The following BACH2 variants were observed in gnomAD, a reference collection of about 807,000 sequenced individuals.
BACH2 encodes the protein BACH transcriptional regulator 2, also known as transcription regulator protein BACH2.
A neutral mutation model predicts 61.8 loss-of-function variants in BACH2; 5 were observed. The observed-to-expected ratio is 0.08, with a 90% CI of 0.04 to 0.17. The LOEUF (loss-of-function observed/expected upper bound fraction) is 0.17, where lower values mean the gene tolerates loss of function less well. Among genes scored for constraint, BACH2 ranks in the 10% least tolerant of loss-of-function variants. The pLI is 1.00. For missense variants in BACH2, 824 were observed against 1,091.1 expected (o/e 0.76, Z 3.45); for synonymous variants, 446 against 440.1 (o/e 1.01, Z -0.17).
At chr6:89,949,990 C>T (rs1773978912) in intron 7 of BACH2, 2 of 479,786 alleles carry the variant, frequency 4.2e-6, no homozygotes, top group East Asian at 4.1e-5. Context: ...CCTCAGTGTA[C>T]TTCATGCATT....
intron 6 of BACH2, among the ~76,000 whole-genome samples, chr6:90,002,147 C>T (rs1173296941): frequency 2.0e-5 from 3 of 152,184 alleles, no homozygotes; most frequent in East Asian, 1.9e-4. Context: ...ATGCTTTCTT[C>T]ACCTGGCTTA....
At chr6:90,182,060 T>C (rs1768184180) in intron 4 of BACH2, among the ~76,000 whole-genome samples, 1 of 152,158 alleles carries the variant, frequency 6.6e-6, no homozygotes, top group African/African-American at 2.4e-5. Context: ...AATCGTCCTT[T>C]GAACCTCTCA....
chr6:90,039,639 C>T (rs1252972159), intron 5 of BACH2, among the ~76,000 whole-genome samples: 1 of 152,190 alleles, frequency 6.6e-6, no homozygotes, highest in Non-Finnish European at 1.5e-5. Flanking sequence ...TCGCCTCGGC[C>T]TCCCAAAATG....
At chr6:90,190,022 C>T (rs1303930144) in intron 4 of BACH2, among the ~76,000 whole-genome samples, 1 of 152,164 alleles carries the variant, frequency 6.6e-6, no homozygotes, top group African/African-American at 2.4e-5. Flanking sequence ...CGGCTCACTG[C>T]AACCTCTGTC....
intron 3 of BACH2, among the ~76,000 whole-genome samples, chr6:90,232,866 C>T (rs977183357): frequency 6.6e-6 from 1 of 152,114 alleles, no homozygotes; most frequent in Non-Finnish European, 1.5e-5. Context: ...TTATTAATTC[C>T]TAGCCTCATT....
At chr6:89,938,593 GACATGA>G (rs1258939529) in intron 7 of BACH2, among the ~76,000 whole-genome samples, 1 of 152,098 alleles carries the variant, frequency 6.6e-6, no homozygotes, top group Non-Finnish European at 1.5e-5. Flanking sequence ...TGAAGCAAAT[GACATGA>G]ACAATATTGG....
intron 4 of BACH2, among the ~76,000 whole-genome samples, chr6:90,110,877 T>C (rs1301760603): frequency 6.6e-6 from 1 of 152,192 alleles, no homozygotes; most frequent in Admixed American, 6.5e-5. Context: ...GGCTTATGTG[T>C]CCTTCCCATT....
At chr6:90,248,562 G>C (rs1451914788) in intron 3 of BACH2, among the ~76,000 whole-genome samples, 1 of 152,202 alleles carries the variant, frequency 6.6e-6, no homozygotes, top group Non-Finnish European at 1.5e-5. Flanking sequence ...ATCAGGGAAG[G>C]CTTCTCAGAG....
At chr6:89,949,899 A>G (rs1376825455) in intron 7 of BACH2, among the ~76,000 whole-genome samples, 3 of 152,054 alleles carry the variant, frequency 2.0e-5, no homozygotes, top group African/African-American at 7.2e-5. Context: ...AAGGGCAAGG[A>G]TGAGGGTGAT....
intron 5 of BACH2, among the ~76,000 whole-genome samples, chr6:90,032,332 C>A (rs1287687790): frequency 2.1e-5 from 3 of 144,414 alleles, no homozygotes; most frequent in Admixed American, 6.8e-5. Context: ...AAAGCAATGG[C>A]AACAAAAGCC....
intron 5 of BACH2, among the ~76,000 whole-genome samples, chr6:90,030,733 G>C (rs9344984): frequency 0.4 from 59,988 of 150,854 alleles, 13,338 homozygotes; most frequent in East Asian, 0.67. Flanking sequence ...ACCAAAAAAA[G>C]TCCAGGACCA....
At chr6:90,257,704 T>C (rs895675957) in intron 2 of BACH2, among the ~76,000 whole-genome samples, 1 of 152,244 alleles carries the variant, frequency 6.6e-6, no homozygotes, top group Non-Finnish European at 1.5e-5. Context: ...TTTCCCAATC[T>C]GTAGGCTGCT....
chr6:90,003,304 C>T (rs1777231813), intron 6 of BACH2, among the ~76,000 whole-genome samples: 2 of 152,124 alleles, frequency 1.3e-5, no homozygotes, highest in African/African-American at 4.8e-5. Context: ...CCTTGTGATT[C>T]CTCCTGTCTG....
intron 4 of BACH2, among the ~76,000 whole-genome samples, chr6:90,100,804 G>C (rs573178480): frequency 6.6e-6 from 1 of 151,450 alleles, no homozygotes. Context: ...GGGACAAATG[G>C]TAACTCTGTA....
intron 4 of BACH2, among the ~76,000 whole-genome samples, chr6:90,193,546 C>G (rs572302581): frequency 1.2e-3 from 177 of 152,262 alleles, no homozygotes; most frequent in African/African-American, 3.9e-3. Flanking sequence ...GTTGTTTAAG[C>G]CACCCAGTCT....
intron 5 of BACH2, among the ~76,000 whole-genome samples, chr6:90,016,584 C>T (rs541199092): frequency 5.3e-5 from 8 of 152,206 alleles, no homozygotes; most frequent in Admixed American, 2.6e-4. Flanking sequence ...CCTTCCTGGC[C>T]ATTGTATTAT....
chr6:90,226,116 A>G (rs915870388), intron 3 of BACH2, among the ~76,000 whole-genome samples: 1 of 152,170 alleles, frequency 6.6e-6, no homozygotes, highest in African/African-American at 2.4e-5. Context: ...TGTTCTACAG[A>G]AAAAGGGGTG....
At chr6:90,150,525 T>C (rs558181545) in intron 4 of BACH2, among the ~76,000 whole-genome samples, 18 of 152,214 alleles carry the variant, frequency 1.2e-4, no homozygotes, top group African/African-American at 4.1e-4. Context: ...GACACTAACA[T>C]GGGATTCGAT....
At position 90,074,853 on chromosome 6, in the gene BACH2, A is replaced by G. The variant is rs1475204385; in HGVS notation, c.-13+14108T>C. ...AATTCTCCACAGACCTATTTCTCCT[A>G]AGGAGCTCCCCCTTTCTCCCTTTCC... On this transcript the variant is annotated intron_variant, in intron 5 of 8. Coordinates refer to ENST00000257749, the MANE Select transcript of BACH2 (RefSeq NM_021813.4). Among the ~76,000 whole-genome samples the G allele has an allele frequency of 6.6e-5, 10 of 152,286 alleles. No individual in the cohort carries two copies. In the East Asian group the frequency reaches 1.7e-3, roughly 26 times the overall value.
Sources: allele counts gnomAD v4.1 joint callset (sites outside exome capture counted in the v4.1 genomes callset), GRCh38; gene constraint gnomAD v4.1.1; transcripts MANE v1.5; gene names NCBI Gene and HGNC (gene_info 2026-07-23, HGNC 2026-07-21).